The following NDUFAF6 variants were observed in gnomAD, a reference collection of about 807,000 sequenced individuals.
NDUFAF6 encodes NADH:ubiquinone oxidoreductase complex assembly factor 6.
NDUFAF6 carries 45 observed loss-of-function variants against 40.8 expected under a neutral mutation model. That is an observed-to-expected ratio of 1.10 (90% CI 0.87 to 1.42). The LOEUF (loss-of-function observed/expected upper bound fraction) is 1.42, where lower values mean the gene tolerates loss of function less well. Ranked by LOEUF, NDUFAF6 falls within the 40% of genes most tolerant of loss-of-function variation. The pLI is 0.00. For synonymous variants in NDUFAF6, 185 were observed against 155.9 expected, an observed-to-expected ratio of 1.19 and a Z score of -1.39; for missense variants, 435 against 418.5, an observed-to-expected ratio of 1.04 and a Z score of -0.34.
At chr8:94,907,164 A>C (rs1014894187) in intron 1 of NDUFAF6, among the ~76,000 whole-genome samples, 2 of 150,756 alleles carry the variant, frequency 1.3e-5, no homozygotes, top group African/African-American at 4.9e-5. Flanking sequence ...TACTCTAGCC[A>C]GAAGTGATGT....
At position 95,048,313 on chromosome 8, in the gene NDUFAF6, A is replaced by G. The variant is rs1352718275; in HGVS notation, c.715-144A>G. 5.9e-6 allele frequency: 4 copies of G among 677,498 alleles called. No individual in the cohort carries two copies. In the Admixed American group the frequency reaches 8.8e-5, roughly 15 times the overall value. 42.0% of individuals were successfully genotyped at this position (677,498 alleles called of 1,614,324 possible). On this transcript the variant is annotated intron_variant, in intron 6 of 8. Transcript: ENST00000396124. ...TCACATACATTTCTAAAGACAAAAT[A>G]GGCATTAAACTGTACATACTGTTCT... is the stretch of plus-strand genomic sequence containing the variant.
chr8:95,055,472 A>G (rs1380297602), intron 8 of NDUFAF6, among the ~76,000 whole-genome samples: 2 of 152,204 alleles, frequency 1.3e-5, no homozygotes, highest in African/African-American at 2.4e-5. Flanking sequence ...AAGTATAAAT[A>G]TAACACTTAA....
chr8:95,101,930 G>T (rs1163025855), intron 2 of NDUFAF6, among the ~76,000 whole-genome samples: 2 of 152,208 alleles, frequency 1.3e-5, no homozygotes, highest in Non-Finnish European at 2.9e-5. Context: ...GTCATTCACA[G>T]TTCCATCAAG....
chr8:94,967,421 T>C (rs1006827966), intron 1 of NDUFAF6, among the ~76,000 whole-genome samples: 1 of 152,162 alleles, frequency 6.6e-6, no homozygotes, highest in Non-Finnish European at 1.5e-5. Context: ...TGAAATTCAT[T>C]TATTCATTCC....
chr8:94,903,586 C>T (rs1330069618), intron 1 of NDUFAF6, among the ~76,000 whole-genome samples: 1 of 152,176 alleles, frequency 6.6e-6, no homozygotes, highest in Admixed American at 6.5e-5. Context: ...GCGTGCTTCA[C>T]CAAAGTAGCC....
intron 1 of NDUFAF6, among the ~76,000 whole-genome samples, chr8:94,916,481 T>C (rs1169853731): frequency 6.6e-6 from 1 of 152,194 alleles, no homozygotes; most frequent in Non-Finnish European, 1.5e-5. Context: ...TTTAAAGGAA[T>C]TACTATAAAG....
chr8:94,981,978 C>G (rs558292575), intron 2 of NDUFAF6, among the ~76,000 whole-genome samples: 1 of 151,686 alleles, frequency 6.6e-6, no homozygotes, highest in Admixed American at 6.6e-5. Context: ...GCCTGTAATC[C>G]CAGCACTTTG....
intron 2 of NDUFAF6, among the ~76,000 whole-genome samples, chr8:95,087,079 TTAAA>T (rs1196546658): frequency 6.6e-6 from 1 of 151,986 alleles, no homozygotes; most frequent in African/African-American, 2.4e-5. Context: ...GCCTTTTTTT[TTAAA>T]AAATTCTGCA....
intron 9 of NDUFAF6, among the ~76,000 whole-genome samples, chr8:95,064,191 C>G (rs1832645175): frequency 6.6e-6 from 1 of 151,910 alleles, no homozygotes; most frequent in Non-Finnish European, 1.5e-5. Flanking sequence ...CACCCGGCCT[C>G]TTGTTGCAGT....
At chr8:95,014,195 G>C (rs923807493) in intron 2 of NDUFAF6, among the ~76,000 whole-genome samples, 4 of 152,176 alleles carry the variant, frequency 2.6e-5, no homozygotes, top group Non-Finnish European at 5.9e-5. Context: ...CTTTATTATG[G>C]TAGCCCTAGG....
At chr8:95,034,039 A>G (rs1326181897) in intron 2 of NDUFAF6, 2 of 457,724 alleles carry the variant, frequency 4.4e-6, no homozygotes, top group African/African-American at 2.0e-5. Context: ...GCTGTACTGT[A>G]TGCCACTGGG....
chr8:95,015,998 A>G (rs1827429419), intron 2 of NDUFAF6, among the ~76,000 whole-genome samples: 2 of 152,252 alleles, frequency 1.3e-5, no homozygotes, highest in Admixed American at 6.5e-5. Flanking sequence ...ATTCCTGGCC[A>G]GGCCCACTGT....
intron 1 of NDUFAF6, among the ~76,000 whole-genome samples, chr8:94,903,732 A>G (rs945729682): frequency 2.0e-5 from 3 of 152,204 alleles, no homozygotes; most frequent in Non-Finnish European, 4.4e-5. Context: ...AAACTGAGTG[A>G]TGGATGCACA....
upstream of NDUFAF6, among the ~76,000 whole-genome samples, chr8:94,955,525 G>T (rs1216729105): frequency 1.3e-5 from 2 of 152,132 alleles, no homozygotes; most frequent in African/African-American, 4.8e-5. Flanking sequence ...TGAACTTTGG[G>T]GAACACGTTC....
chr8:95,111,119 C>G (rs2132086890), intron 4 of NDUFAF6, among the ~76,000 whole-genome samples: 1 of 152,168 alleles, frequency 6.6e-6, no homozygotes, highest in African/African-American at 2.4e-5. Flanking sequence ...AGGGGGTAGC[C>G]AGCGAACTCA....
chr8:94,987,063 C>T (rs1825948190), intron 2 of NDUFAF6, among the ~76,000 whole-genome samples: 1 of 152,152 alleles, frequency 6.6e-6, no homozygotes, highest in African/African-American at 2.4e-5. Context: ...ATCCTTGAAT[C>T]CCCATATGTG....
intron 1 of NDUFAF6, among the ~76,000 whole-genome samples, chr8:94,897,672 T>G (rs1817729403): frequency 2.0e-5 from 3 of 149,926 alleles, no homozygotes; most frequent in African/African-American, 7.3e-5. Flanking sequence ...AAAAAAAAAT[T>G]CAGGCTTAGC....
At chr8:95,077,923 C>T (rs919541242), downstream of NDUFAF6, among the ~76,000 whole-genome samples, 1 of 151,990 alleles carries the variant, frequency 6.6e-6, no homozygotes, top group Non-Finnish European at 1.5e-5. Context: ...CGAGATGGAG[C>T]TCATGGTGAG....
intron 1 of NDUFAF6, among the ~76,000 whole-genome samples, chr8:94,919,208 G>A (rs1819333942): frequency 6.6e-6 from 1 of 151,794 alleles, no homozygotes. Flanking sequence ...TTTAGATAGA[G>A]TCTTGCTCTG....
Sources: gnomAD v4.1 joint callset for allele counts (sites outside exome capture counted in the v4.1 genomes callset) on GRCh38, gnomAD v4.1.1 for gene constraint, MANE v1.5 for transcripts, NCBI Gene and HGNC (gene_info 2026-07-23, HGNC 2026-07-21) for gene names.